Variants in DDX19B observed in about 807,000 individuals in gnomAD.
DDX19B encodes ATP-dependent RNA helicase DDX19B.
DDX19B carries 27 observed loss-of-function variants against 58.1 expected under a neutral mutation model. That is an observed-to-expected ratio of 0.46 (90% CI 0.34 to 0.64). The LOEUF is 0.64. Among genes scored for constraint, DDX19B ranks in the 30% least tolerant of loss-of-function variants. DDX19B has a pLI of 0.01. For missense variants in DDX19B, 399 were observed against 596.5 expected (o/e 0.67, Z 3.45); for synonymous variants, 187 against 214.4 (o/e 0.87, Z 1.12).
At chr16:70,301,678 CTT>C (rs1378858930) in intron 1 of DDX19B, among the ~76,000 whole-genome samples, 1 of 149,304 alleles carries the variant, frequency 6.7e-6, no homozygotes, top group African/African-American at 2.5e-5. Flanking sequence ...CACTTTCTCT[CTT>C]TCTTTCTCTC....
In DDX19B at chr16:70,312,671, A is replaced by G. The variant is rs765097675; in HGVS notation, c.106+14A>G. 6 of 1,599,976 alleles carry G rather than the reference A, an allele frequency of 3.8e-6. No homozygotes were observed. The highest frequency in any genetic ancestry group is 2.3e-5 in the South Asian group (2 of 88,708). On this transcript the variant is annotated intron_variant, in intron 2 of 11. Coordinates refer to ENST00000288071, the MANE Select transcript of DDX19B (RefSeq NM_007242.7). ...CAGATACCAATGGTAAGTAACTAAT[A>G]GCTAGTTTGAAAACAAATGTGATTT...
chr16:70,299,228 C>T lies in DDX19B; in HGVS notation c.-70C>T. 3 of 1,466,544 alleles carry T rather than the reference C, an allele frequency of 2.0e-6. No homozygotes were observed. The highest frequency in any genetic ancestry group is 1.8e-6 in the Non-Finnish European group (2 of 1,107,762). The allele number at this position is 1,466,544 out of a possible 1,614,324, so 90.8% of individuals were successfully genotyped here. A position where few individuals can be genotyped will look rare whatever the true frequency, so the allele number is the denominator to read the frequency against. Reference sequence around the variant, plus strand: ...CTGGAGCAGAGCCTGCCGCGAACCCCCGGAGCCCACGATCCCTCGTGCCAT... The same window carrying T: ...CTGGAGCAGAGCCTGCCGCGAACCCTCGGAGCCCACGATCCCTCGTGCCAT... On this transcript the variant is annotated 5_prime_UTR_variant, in exon 1 of 12. Coordinates refer to ENST00000288071, the MANE Select transcript of DDX19B (RefSeq NM_007242.7).
intron 7 of DDX19B, among the ~76,000 whole-genome samples, chr16:70,327,853 T>C (rs1042794873): frequency 4.6e-5 from 7 of 152,146 alleles, no homozygotes; most frequent in Non-Finnish European, 7.4e-5. Flanking sequence ...ATTTAAGTAA[T>C]TTTAAAAGTG....
intron 1 of DDX19B, among the ~76,000 whole-genome samples, chr16:70,304,225 G>C (rs1319935244): frequency 6.6e-6 from 1 of 151,680 alleles, no homozygotes; most frequent in Non-Finnish European, 1.5e-5. Context: ...ATTTTTAGTA[G>C]AGACAGGGTT....
intron 1 of DDX19B, among the ~76,000 whole-genome samples, chr16:70,305,791 C>T (rs1054989867): frequency 2.0e-5 from 3 of 152,012 alleles, no homozygotes; most frequent in African/African-American, 7.2e-5. Flanking sequence ...GACAGAGTCT[C>T]ACTCTGTCGC....
upstream of DDX19B, among the ~76,000 whole-genome samples, chr16:70,296,588 A>T (rs150692219): frequency 1.1e-4 from 17 of 152,236 alleles, no homozygotes; most frequent in Middle Eastern, 0.01. Flanking sequence ...AATGTTTTGC[A>T]AATTTCATTA....
intron 1 of DDX19B, 96 bp downstream of exon 1, chr16:70,299,450 G>A (rs778281263): frequency 3.4e-5 from 47 of 1,399,762 alleles, no homozygotes; most frequent in Non-Finnish European, 4.0e-5. Flanking sequence ...TTAGAGGCTG[G>A]ATGGGGTGGC....
intron 2 of DDX19B, among the ~76,000 whole-genome samples, chr16:70,314,038 G>A (rs1335585867): frequency 1.3e-5 from 2 of 152,090 alleles, no homozygotes; most frequent in African/African-American, 4.8e-5. Flanking sequence ...GAACCTGGGA[G>A]GCAGAGGTTG....
Position 70,333,991 on chromosome 16 carries a change from G to C in DDX19B, c.*409G>C. Reference sequence around the variant, plus strand: ...GAAGTAATGGAATAGTGGTGGAAAGGGAACACAGAGAGGGAGGCTTCCAGT... The same window carrying C: ...GAAGTAATGGAATAGTGGTGGAAAGCGAACACAGAGAGGGAGGCTTCCAGT... On this transcript the variant is annotated 3_prime_UTR_variant, in exon 12 of 12. Coordinates refer to ENST00000288071, the MANE Select transcript of DDX19B (RefSeq NM_007242.7). 4.0e-6 allele frequency: 1 copy of C among 252,610 alleles called. No individual in the cohort carries two copies. Among genetic ancestry groups the C allele is most frequent in the South Asian group, 4.9e-5 (1 of 20,376 alleles). 15.6% of individuals were successfully genotyped at this position (252,610 alleles called of 1,614,324 possible). A position where few individuals can be genotyped will look rare whatever the true frequency, so the allele number is the denominator to read the frequency against.
chr16:70,313,010 T>C (rs1217775940), intron 2 of DDX19B, among the ~76,000 whole-genome samples: 1 of 150,354 alleles, frequency 6.7e-6, no homozygotes, highest in East Asian at 2.0e-4. Flanking sequence ...GCCCAACTAA[T>C]TTTTATTTTT....
At chr16:70,302,201 G>GT (rs1292848248) in intron 1 of DDX19B, among the ~76,000 whole-genome samples, 8 of 152,100 alleles carry the variant, frequency 5.3e-5, no homozygotes, top group Non-Finnish European at 2.9e-5. Context: ...AATTACAGGC[G>GT]TGAGCCACCA....
intron 1 of DDX19B, among the ~76,000 whole-genome samples, chr16:70,306,994 G>T (rs1463106273): frequency 2.6e-5 from 4 of 152,052 alleles, no homozygotes; most frequent in African/African-American, 9.7e-5. Context: ...TTTGTGACTG[G>T]CTCCTTTTAT....
chr16:70,310,278 G>T (rs1962013959), intron 1 of DDX19B, among the ~76,000 whole-genome samples: 1 of 152,128 alleles, frequency 6.6e-6, no homozygotes, highest in South Asian at 2.1e-4. Flanking sequence ...CTACTTGGGA[G>T]GCTGAAGCAG....
chr16:70,318,299 C>T (rs972661419), intron 5 of DDX19B, among the ~76,000 whole-genome samples: 1 of 149,956 alleles, frequency 6.7e-6, no homozygotes, highest in African/African-American at 2.5e-5. Context: ...GCTTGAACCC[C>T]GGAGGTGGAG....
intron 9 of DDX19B, 142 bp from the exon 10 acceptor site, chr16:70,331,580 A>C: frequency 8.7e-7 from 1 of 1,146,768 alleles, no homozygotes. Context: ...ACCATGCTTC[A>C]TTGAGAAATT....
upstream of DDX19B, chr16:70,295,029 G>A: frequency 1.5e-6 from 2 of 1,330,758 alleles, no homozygotes; most frequent in Non-Finnish European, 1.9e-6. Flanking sequence ...TTCGGCCCAA[G>A]GTCTTAGCCT....
At chr16:70,295,855 G>A (rs62049425), upstream of DDX19B, among the ~76,000 whole-genome samples, 5 of 151,628 alleles carry the variant, frequency 3.3e-5, no homozygotes, top group East Asian at 1.9e-4. Context: ...TCCAGCCTGG[G>A]CAACATAGCA....
intron 9 of DDX19B, among the ~76,000 whole-genome samples, chr16:70,331,431 A>T (rs1963473071): frequency 6.6e-6 from 1 of 152,228 alleles, no homozygotes; most frequent in South Asian, 2.1e-4. Flanking sequence ...TACATAACTT[A>T]TCTAAAAAGA....
chr16:70,322,567 C>T (rs1442138601), intron 5 of DDX19B, among the ~76,000 whole-genome samples: 3 of 129,180 alleles, frequency 2.3e-5, no homozygotes, highest in South Asian at 2.4e-4. Context: ...CCAGTCTGGG[C>T]GACAAAGTGA....
Sources: gnomAD v4.1 joint callset for allele counts (sites outside exome capture counted in the v4.1 genomes callset) on GRCh38, gnomAD v4.1.1 for gene constraint, MANE v1.5 for transcripts, NCBI Gene and HGNC (gene_info 2026-07-23, HGNC 2026-07-21) for gene names.